Variants in EPHA7 observed in about 807,000 individuals in gnomAD.
EPHA7 encodes ephrin type-A receptor 7.
A neutral mutation model predicts 112.6 loss-of-function variants in EPHA7; 25 were observed. The ratio of observed to expected loss-of-function variants is 0.22; its 90% CI spans 0.16 to 0.31. EPHA7 has a LOEUF of 0.31. Ranked by LOEUF, EPHA7 falls within the 10% of genes least tolerant of loss-of-function variation. The pLI is 1.00. For missense variants in EPHA7, 962 were observed against 1,212.6 expected (o/e 0.79, Z 3.07); for synonymous variants, 437 against 406.5 (o/e 1.07, Z -0.90).
At chr6:93,259,996 T>G (rs1278286876) in intron 9 of EPHA7, among the ~76,000 whole-genome samples, 1 of 151,944 alleles carries the variant, frequency 6.6e-6, no homozygotes, top group Non-Finnish European at 1.5e-5. Flanking sequence ...CAACCACCGT[T>G]GATATATACA....
chr6:93,403,259 C>T (rs1001092606), intron 3 of EPHA7, among the ~76,000 whole-genome samples: 3 of 151,408 alleles, frequency 2.0e-5, no homozygotes, highest in Admixed American at 6.6e-5. Flanking sequence ...CTTTGCTTTG[C>T]CAGTGGATAG....
intron 3 of EPHA7, among the ~76,000 whole-genome samples, chr6:93,400,806 G>A (rs1778402940): frequency 6.6e-6 from 1 of 152,144 alleles, no homozygotes; most frequent in East Asian, 1.9e-4. Context: ...CCAAACTGCT[G>A]GGATTACAGG....
At position 93,304,138 on chromosome 6, in the gene EPHA7, C is replaced by T. The variant is rs138418896; in HGVS notation, c.1325-31716G>A. Among the ~76,000 whole-genome samples, 760 of 150,638 alleles carry T rather than the reference C, an allele frequency of 5.0e-3. 11 individuals are homozygous for T. The highest frequency in any genetic ancestry group is 0.018 in the African/African-American group (733 of 41,316). ...AGGCATTCTAGAATGGATTGGCTGT[C>T]ATGAATAATTACTATACTTGTAGTA... is the stretch of plus-strand genomic sequence containing the variant. On this transcript the variant is annotated intron_variant, in intron 5 of 16. Transcript: ENST00000369303.
intron 3 of EPHA7, among the ~76,000 whole-genome samples, chr6:93,359,870 GAGAGAGATAGAT>G (rs1323039820): frequency 2.6e-3 from 336 of 131,208 alleles, no homozygotes; most frequent in Middle Eastern, 7.4e-3. Flanking sequence ...GAGAGAGAGA[GAGAGAGATAGAT>G]AGATAGATAG....
intron 5 of EPHA7, among the ~76,000 whole-genome samples, chr6:93,325,617 A>G (rs1774280415): frequency 6.6e-6 from 1 of 151,380 alleles, no homozygotes. Context: ...AAGATAAATG[A>G]AGGAAATTTT....
At chr6:93,295,340 CTT>C (rs955221796) in intron 5 of EPHA7, among the ~76,000 whole-genome samples, 84 of 151,890 alleles carry the variant, frequency 5.5e-4, no homozygotes, top group African/African-American at 2.0e-3. Flanking sequence ...TTAATTATGT[CTT>C]AAGTAATTTT....
chr6:93,387,878 G>A (rs1226443674), intron 3 of EPHA7, among the ~76,000 whole-genome samples: 3 of 151,682 alleles, frequency 2.0e-5, no homozygotes, highest in Non-Finnish European at 4.4e-5. Context: ...AATTCAAGAT[G>A]AGATTTGGTG....
At chr6:93,383,202 T>C (rs1006094307) in intron 3 of EPHA7, among the ~76,000 whole-genome samples, 1 of 151,692 alleles carries the variant, frequency 6.6e-6, no homozygotes, top group African/African-American at 2.4e-5. Context: ...TGTGTATATA[T>C]ATACATATAT....
Position 93,269,675 on chromosome 6 carries a change from T to C in EPHA7, c.1450-15A>G, listed in dbSNP as rs1771115381. On this transcript the variant is annotated splice_polypyrimidine_tract_variant and intron_variant, in intron 6 of 16. Transcript: ENST00000369303. ...TCCCTTTGATCCTAGAAACAATATT[T>C]AGAGGAAATATTTAATTGTGATTGC... The C allele has an allele frequency of 2.0e-6, 3 of 1,493,252 alleles. No individual in the cohort carries two copies. The highest frequency in any genetic ancestry group is 1.4e-5 in the South Asian group (1 of 71,750). The allele number at this position is 1,493,252 out of a possible 1,614,324, so 92.5% of individuals were successfully genotyped here. A position where few individuals can be genotyped will look rare whatever the true frequency, so the allele number is the denominator to read the frequency against.
At chr6:93,385,293 T>C (rs1055527360) in intron 3 of EPHA7, among the ~76,000 whole-genome samples, 2 of 152,134 alleles carry the variant, frequency 1.3e-5, no homozygotes, top group African/African-American at 4.8e-5. Flanking sequence ...TGTACGCATA[T>C]GAATATATAA....
At chr6:93,316,040 A>G (rs868595326) in intron 5 of EPHA7, among the ~76,000 whole-genome samples, 1 of 152,180 alleles carries the variant, frequency 6.6e-6, no homozygotes, top group Non-Finnish European at 1.5e-5. Flanking sequence ...TTTGAAAGTG[A>G]TAAGAGGGTA....
chr6:93,278,228 CATT>C (rs1444725929), intron 5 of EPHA7, among the ~76,000 whole-genome samples: 1 of 152,000 alleles, frequency 6.6e-6, no homozygotes, highest in African/African-American at 2.4e-5. Flanking sequence ...TACTGTTGGT[CATT>C]GTTGCTAAAC....
At chr6:93,375,923 A>T (rs1180617607) in intron 3 of EPHA7, among the ~76,000 whole-genome samples, 1 of 152,090 alleles carries the variant, frequency 6.6e-6, no homozygotes, top group Non-Finnish European at 1.5e-5. Flanking sequence ...ATATTTTAGA[A>T]TTTCTTCCAT....
chr6:93,416,762 C>T (rs565548697), intron 1 of EPHA7, among the ~76,000 whole-genome samples: 111 of 152,288 alleles, frequency 7.3e-4, no homozygotes, highest in African/African-American at 2.6e-3. Context: ...GGGCTCCGCG[C>T]CCCGGAGTCC....
chr6:93,310,403 A>T (rs1168258694), intron 5 of EPHA7, among the ~76,000 whole-genome samples: 2 of 152,230 alleles, frequency 1.3e-5, no homozygotes, highest in East Asian at 3.9e-4. Flanking sequence ...GCGGTGGCTC[A>T]CGCCTGTAAT....
chr6:93,317,667 A>G (rs1773877769), intron 5 of EPHA7, among the ~76,000 whole-genome samples: 2 of 152,150 alleles, frequency 1.3e-5, no homozygotes, highest in Non-Finnish European at 2.9e-5. Flanking sequence ...AGCAGAGCCC[A>G]TTTTGCCTGA....
At chr6:93,300,773 C>T (rs1351813816) in intron 5 of EPHA7, among the ~76,000 whole-genome samples, 3 of 152,100 alleles carry the variant, frequency 2.0e-5, no homozygotes, top group African/African-American at 7.2e-5. Flanking sequence ...TTGCATGAAA[C>T]AAATATACAG....
intron 2 of EPHA7, among the ~76,000 whole-genome samples, chr6:93,414,285 G>A (rs1333679888): frequency 2.6e-5 from 4 of 151,818 alleles, no homozygotes; most frequent in Non-Finnish European, 5.9e-5. Flanking sequence ...GAATGATGCT[G>A]AAACTTTTAA....
chr6:93,307,618 C>T (rs948424213), intron 5 of EPHA7, among the ~76,000 whole-genome samples: 6 of 152,134 alleles, frequency 3.9e-5, no homozygotes, highest in Non-Finnish European at 8.8e-5. Flanking sequence ...TCCCCTTAGG[C>T]TGACTAATAC....
Sources: gnomAD v4.1 joint callset for allele counts (sites outside exome capture counted in the v4.1 genomes callset) on GRCh38, gnomAD v4.1.1 for gene constraint, MANE v1.5 for transcripts, NCBI Gene and HGNC (gene_info 2026-07-23, HGNC 2026-07-21) for gene names.